The following GSE1 variants were observed in gnomAD, a reference collection of about 807,000 sequenced individuals.
GSE1 encodes genetic suppressor element 1.
A neutral mutation model predicts 112.6 loss-of-function variants in GSE1; 32 were observed. The observed-to-expected ratio is 0.28, with a 90% confidence interval of 0.21 to 0.38. The LOEUF is 0.38. GSE1 is among the 10% of genes least tolerant of loss of function. The pLI, the probability that GSE1 is intolerant of heterozygous loss-of-function variation, is 1.00. For synonymous variants in GSE1, 1,115 were observed against 735.6 expected, an observed-to-expected ratio of 1.52 and a Z score of -8.35; for missense variants, 2,348 against 1,699.2, an observed-to-expected ratio of 1.38 and a Z score of -6.71.
chr16:85,297,466 G>A (rs756699940), intron 1 of GSE1, among the ~76,000 whole-genome samples: 4 of 152,184 alleles, frequency 2.6e-5, no homozygotes, highest in Non-Finnish European at 5.9e-5. Flanking sequence ...CAGATGGGTT[G>A]CCCCTGTCAT....
At chr16:85,468,690 C>T (rs1034382011) in intron 2 of GSE1, among the ~76,000 whole-genome samples, 5 of 152,094 alleles carry the variant, frequency 3.3e-5, no homozygotes, top group African/African-American at 1.2e-4. Context: ...AACAGGAGGG[C>T]CATGTCTCTC....
intron 1 of GSE1, among the ~76,000 whole-genome samples, chr16:85,578,535 G>A (rs2046324282): frequency 6.6e-6 from 1 of 152,168 alleles, no homozygotes; most frequent in African/African-American, 2.4e-5. Flanking sequence ...TGTGTTAGCT[G>A]TGGTTACTGT....
Position 85,263,821 on chromosome 16 carries a change from C to T in GSE1, c.2283+92014C>T, listed in dbSNP as rs545120883. Among the ~76,000 whole-genome samples the T allele has an allele frequency of 9.2e-5, 14 of 152,298 alleles. No homozygotes were observed. In the East Asian group the frequency reaches 9.6e-4, roughly 10 times the overall value. On this transcript the variant is annotated intron_variant, in intron 1 of 2. Coordinates refer to the GSE1 transcript ENST00000637419. ...CTCCTGAGCTCAGGTCATCTGCCTTCCTCGGCCTCCCAAAGTGCTGGGATT... is the reference window on the plus strand; with the variant it reads ...CTCCTGAGCTCAGGTCATCTGCCTTTCTCGGCCTCCCAAAGTGCTGGGATT...
rs189081265 is a variant in GSE1, at chr16:85,267,156, G to A, written c.2284-90307G>A. ...CAGGGCTGAAGGCTATCGGAGCAGCGGCGGTGGCTGCCTGGGCTGGCCTCC... is the reference window on the plus strand; with the variant it reads ...CAGGGCTGAAGGCTATCGGAGCAGCAGCGGTGGCTGCCTGGGCTGGCCTCC... On this transcript the variant is annotated intron_variant, in intron 1 of 2. Coordinates refer to the GSE1 transcript ENST00000637419. Among the ~76,000 whole-genome samples the A allele has an allele frequency of 3.4e-3, 512 of 152,296 alleles. 5 individuals are homozygous for A. The highest frequency in any genetic ancestry group is 0.012 in the African/African-American group (499 of 41,546).
chr16:85,384,283 C>T (rs139780477), intron 2 of GSE1, among the ~76,000 whole-genome samples: 110 of 152,238 alleles, frequency 7.2e-4, no homozygotes, highest in African/African-American at 2.5e-3. Context: ...TGGGTGCGGC[C>T]GGGTGGCGAG....
chr16:85,662,898 C>T (rs529453578), intron 9 of GSE1, 83 bp from the exon 10 acceptor site: 277 of 970,192 alleles, frequency 2.9e-4, no homozygotes, highest in Admixed American at 1.2e-3. Flanking sequence ...GATAGGTGCT[C>T]TGCACACATG....
At position 85,668,145 on chromosome 16, in the gene GSE1, G is replaced by A. The variant is rs766062436; in HGVS notation, c.3136G>A (p.Val1046Met). Residue 1046 changes from valine (V) to methionine (M), a missense_variant, in exon 14 of 16, where the codon GTG becomes ATG. Coordinates refer to ENST00000253458, the MANE Select transcript of GSE1 (RefSeq NM_014615.5). ...AAGCCCTGTCCCCTCCACAGGGAGC[G>A]TGGCTGTGCTGTCTGCAGAGCAGAA... ...QKALQKHKGS[V>M]AVLSAEQNHK... The A allele has an allele frequency of 6.1e-5, 96 of 1,576,468 alleles. No individual in the cohort carries two copies. Among genetic ancestry groups the A allele is most frequent in the Admixed American group, 8.7e-5 (5 of 57,412 alleles).
At chr16:85,640,715 G>A (rs144703569) in intron 2 of GSE1, among the ~76,000 whole-genome samples, 294 of 152,368 alleles carry the variant, frequency 1.9e-3, no homozygotes, top group African/African-American at 6.7e-3. Context: ...CCGCTGCCTC[G>A]GAAATCTGCC....
chr16:85,399,207 G>A (rs2048035435), intron 2 of GSE1, among the ~76,000 whole-genome samples: 1 of 152,030 alleles, frequency 6.6e-6, no homozygotes, highest in South Asian at 2.1e-4. Context: ...GTGGTGCTGT[G>A]GGGAGCCCTC....
chr16:85,197,103 A>G (rs2074941789), intron 1 of GSE1, among the ~76,000 whole-genome samples: 2 of 152,048 alleles, frequency 1.3e-5, no homozygotes, highest in South Asian at 4.1e-4. Flanking sequence ...TTTATTGAGC[A>G]CCTCCTGCAT....
intron 1 of GSE1, among the ~76,000 whole-genome samples, chr16:85,331,361 G>GTATA (rs1299782485): frequency 1.9e-4 from 13 of 67,010 alleles, no homozygotes; most frequent in African/African-American, 6.3e-4. Flanking sequence ...GTGTGTGTGT[G>GTATA]TGTGTATATA....
intron 1 of GSE1, among the ~76,000 whole-genome samples, chr16:85,280,506 C>A (rs554626458): frequency 6.6e-6 from 1 of 152,232 alleles, no homozygotes; most frequent in Non-Finnish European, 1.5e-5. Context: ...AGCGATTCTC[C>A]TGCCTCAGCC....
Position 85,171,880 on chromosome 16 carries a change from G to A in GSE1, c.2283+73G>A, listed in dbSNP as rs935555775. On this transcript the variant is annotated intron_variant, in intron 1 of 2. Transcript: ENST00000637419. ...TTCAGGGAAGGGAGAGATGTTTTCT[G>A]TTCCTCAGAAAAACTCTGAAGGAGG... 5.9e-6 allele frequency: 5 copies of A among 844,436 alleles called. No individual in the cohort carries two copies. In the South Asian group the frequency reaches 1.6e-4, roughly 27 times the overall value. The allele number at this position is 844,436 out of a possible 1,614,324, so 52.3% of individuals were successfully genotyped here. A position where few individuals can be genotyped will look rare whatever the true frequency, so the allele number is the denominator to read the frequency against.
chr16:85,337,413 C>G (rs958784548), intron 1 of GSE1, among the ~76,000 whole-genome samples: 4 of 151,106 alleles, frequency 2.6e-5, no homozygotes, highest in Non-Finnish European at 5.9e-5. Context: ...TCACGCCATT[C>G]TCCTGCCTCA....
chr16:85,228,796 A>G (rs770851677), intron 1 of GSE1, among the ~76,000 whole-genome samples: 1 of 152,218 alleles, frequency 6.6e-6, no homozygotes, highest in Non-Finnish European at 1.5e-5. Context: ...GGCAGAAAGC[A>G]TCTTCTCAGA....
chr16:85,475,497 G>A (rs2050424472), intron 2 of GSE1, among the ~76,000 whole-genome samples: 1 of 152,254 alleles, frequency 6.6e-6, no homozygotes, highest in Non-Finnish European at 1.5e-5. Context: ...GAGATGGTCT[G>A]CTGCCTGGAT....
intron 1 of GSE1, among the ~76,000 whole-genome samples, chr16:85,325,837 A>C (rs1249850025): frequency 6.6e-6 from 1 of 151,374 alleles, no homozygotes; most frequent in Non-Finnish European, 1.5e-5. Context: ...GCTCACTGCA[A>C]CCTCCGCCTC....
At chr16:85,587,368 TA>T (rs1459628467) in intron 1 of GSE1, among the ~76,000 whole-genome samples, 1 of 152,110 alleles carries the variant, frequency 6.6e-6, no homozygotes, top group African/African-American at 2.4e-5. Flanking sequence ...TATCCCAAGG[TA>T]AAAACCTTCC....
At chr16:85,278,774 A>G (rs2044769786) in intron 1 of GSE1, 1 of 159,834 alleles carries the variant, frequency 6.3e-6, no homozygotes, top group East Asian at 1.8e-4. Flanking sequence ...GTCAGCGACA[A>G]ACTTTTAGGT....
Sources: allele counts gnomAD v4.1 joint callset (sites outside exome capture counted in the v4.1 genomes callset), GRCh38; gene constraint gnomAD v4.1.1; transcripts MANE v1.5; gene names NCBI Gene and HGNC (gene_info 2026-07-23, HGNC 2026-07-21).